The following CARF variants were observed in gnomAD, a reference collection of about 807,000 sequenced individuals.
CARF encodes calcium-responsive transcription factor.
A neutral mutation model predicts 82.0 loss-of-function variants in CARF; 57 were observed. The observed-to-expected ratio is 0.70, with a 90% CI of 0.56 to 0.87. The LOEUF is 0.87. Ranked by LOEUF, CARF falls within the 40% of genes least tolerant of loss-of-function variation. CARF has a pLI of 0.00. For synonymous variants in CARF, 268 were observed against 290.1 expected, an observed-to-expected ratio of 0.92 and a Z score of 0.77; for missense variants, 771 against 855.8, an observed-to-expected ratio of 0.90 and a Z score of 1.24.
intron 2 of CARF, among the ~76,000 whole-genome samples, chr2:202,920,186 G>A (rs1002513936): frequency 2.9e-4 from 42 of 147,120 alleles, no homozygotes; most frequent in African/African-American, 9.6e-4. Flanking sequence ...ACGGGGTCTC[G>A]CTCTGTCGCC....
Position 202,968,158 on chromosome 2 carries a change from C to G in CARF, c.953+1060C>G, listed in dbSNP as rs562164464. Among the ~76,000 whole-genome samples, 7 of 152,224 alleles carry G rather than the reference C, an allele frequency of 4.6e-5. No individual in the cohort carries two copies. The East Asian group carries it at 1.2e-3, about 25-fold the overall frequency. ...GTGGCTAACGCCTGTAATCCCAGCA[C>G]TTTGGGAGGCCGAGGTGGGCGGATT... On this transcript the variant is annotated intron_variant, in intron 10 of 16. Coordinates refer to ENST00000438828, the MANE Select transcript of CARF (RefSeq NM_024744.17).
Position 202,971,580 on chromosome 2 carries a change from T to A in CARF, c.1173T>A (p.Pro391=), listed in dbSNP as rs760973605. 6.2e-7 allele frequency: 1 copy of A among 1,613,784 alleles called. No individual in the cohort carries two copies. Among genetic ancestry groups the A allele is most frequent in the South Asian group, 1.1e-5 (1 of 91,080 alleles). The part of the protein sequence containing the change: ...ELETPCLTLS[P]SPFPVSSLEE... ...AGACTCCCTGCCTCACTTTGTCACC[T>A]TCTCCTTTTCCTGTGTCTTCTCTTG... The change falls in exon 12 of 17, where the codon CCT becomes CCA. Residue 391 remains proline (P), a synonymous_variant. Coordinates refer to ENST00000438828, the MANE Select transcript of CARF (RefSeq NM_024744.17).
intron 1 of CARF, among the ~76,000 whole-genome samples, chr2:202,914,072 T>G (rs1689146463): frequency 6.6e-6 from 1 of 152,202 alleles, no homozygotes; most frequent in Non-Finnish European, 1.5e-5. Context: ...TGTGTCGTGT[T>G]TGGTGTTGCC....
chr2:202,942,530 G>A (rs1361868415), intron 4 of CARF: 2 of 820,248 alleles, frequency 2.4e-6, no homozygotes, highest in African/African-American at 1.9e-5. Context: ...TTCCATTCCT[G>A]TGGACAATTT....
chr2:202,948,280 G>A (rs2058594691), intron 5 of CARF, among the ~76,000 whole-genome samples: 1 of 152,164 alleles, frequency 6.6e-6, no homozygotes, highest in South Asian at 2.1e-4. Flanking sequence ...TTGAAGTCAG[G>A]TAACATAATG....
At chr2:202,925,531 T>C in intron 3 of CARF, 1 of 221,350 alleles carries the variant, frequency 4.5e-6, no homozygotes, top group Non-Finnish European at 9.2e-6. Context: ...AGACGCTGCC[T>C]GGGAAGCCAA....
At chr2:202,965,959 G>A (rs2059531918) in intron 9 of CARF, among the ~76,000 whole-genome samples, 2 of 152,160 alleles carry the variant, frequency 1.3e-5, no homozygotes, top group Admixed American at 6.6e-5. Flanking sequence ...TGCTGCAGTT[G>A]TCTCATGACT....
At chr2:202,921,608 T>C (rs1690804475) in intron 2 of CARF, among the ~76,000 whole-genome samples, 1 of 152,188 alleles carries the variant, frequency 6.6e-6, no homozygotes, top group African/African-American at 2.4e-5. Context: ...TCCTTGTATC[T>C]CCAGCACATA....
intron 8 of CARF, among the ~76,000 whole-genome samples, chr2:202,960,517 T>C (rs972916089): frequency 1.3e-5 from 2 of 152,070 alleles, no homozygotes; most frequent in African/African-American, 2.4e-5. Context: ...CCCAAAGTGC[T>C]GGGATTACAG....
chr2:202,943,003 T>C (rs755689850), intron 5 of CARF, 36 bp downstream of exon 5: 35 of 1,509,096 alleles, frequency 2.3e-5, no homozygotes, highest in Non-Finnish European at 3.2e-5. Context: ...TTTTATGCCG[T>C]TTAGCAAAAT....
intron 14 of CARF, among the ~76,000 whole-genome samples, chr2:202,980,476 T>C (rs2060201895): frequency 6.6e-6 from 1 of 151,140 alleles, no homozygotes; most frequent in Non-Finnish European, 1.5e-5. Context: ...TCCTAGTTAC[T>C]AGGGCTACAA....
intron 3 of CARF, among the ~76,000 whole-genome samples, chr2:202,928,128 C>G (rs573109192): frequency 5.3e-5 from 8 of 152,242 alleles, no homozygotes; most frequent in Admixed American, 2.0e-4. Flanking sequence ...GTTCCCTTCC[C>G]TACCCTACCC....
chr2:202,917,481 G>C (rs983538659), intron 1 of CARF, among the ~76,000 whole-genome samples: 1 of 151,992 alleles, frequency 6.6e-6, no homozygotes, highest in African/African-American at 2.4e-5. Context: ...TCAATTCTAG[G>C]GTTTGGGAGG....
At chr2:202,928,036 A>T (rs1692188173) in intron 3 of CARF, among the ~76,000 whole-genome samples, 1 of 151,828 alleles carries the variant, frequency 6.6e-6, no homozygotes, top group South Asian at 2.1e-4. Flanking sequence ...GTCAAGCTTG[A>T]CCTCCCAAAA....
intron 3 of CARF, among the ~76,000 whole-genome samples, chr2:202,932,010 G>A (rs1446145827): frequency 1.3e-5 from 2 of 152,136 alleles, no homozygotes; most frequent in Non-Finnish European, 2.9e-5. Context: ...GGCTTCTACT[G>A]GGGAGGCGTC....
intron 3 of CARF, among the ~76,000 whole-genome samples, chr2:202,939,891 T>C (rs1044489856): frequency 6.6e-5 from 10 of 152,052 alleles, no homozygotes; most frequent in Non-Finnish European, 1.2e-4. Context: ...GATCTCATTA[T>C]GTTGCCCAGG....
At chr2:202,977,123 T>C in intron 13 of CARF, 146 bp from the exon 14 acceptor site, 1 of 630,274 alleles carries the variant, frequency 1.6e-6, no homozygotes, top group African/African-American at 1.8e-5. Flanking sequence ...AAAGTATACT[T>C]GTGCTTGAAG....
chr2:202,917,219 A>AAT, intron 1 of CARF, among the ~76,000 whole-genome samples: 1 of 149,420 alleles, frequency 6.7e-6, no homozygotes, highest in African/African-American at 2.4e-5. Flanking sequence ...TCAAAAAAAA[A>AAT]AAAAAAAAAA....
chr2:202,977,431 G>A, intron 14 of CARF, 99 bp downstream of exon 14: 1 of 881,838 alleles, frequency 1.1e-6, no homozygotes, highest in Non-Finnish European at 1.8e-6. Flanking sequence ...TATAGATAAG[G>A]AAACCAGGAT....
Sources: allele counts gnomAD v4.1 joint callset (sites outside exome capture counted in the v4.1 genomes callset), GRCh38; gene constraint gnomAD v4.1.1; transcripts MANE v1.5; gene names NCBI Gene and HGNC (gene_info 2026-07-23, HGNC 2026-07-21).